The following SETD7 variants were observed in gnomAD, a reference collection of about 807,000 sequenced individuals.
SETD7 encodes histone-lysine N-methyltransferase SETD7.
SETD7 carries 16 observed loss-of-function variants against 41.8 expected under a neutral mutation model. The observed-to-expected ratio is 0.38, with a 90% confidence interval of 0.26 to 0.58. The LOEUF is 0.58. Among genes scored for constraint, SETD7 ranks in the 20% least tolerant of loss-of-function variants. The pLI is 0.64. For missense variants in SETD7, 346 were observed against 459.7 expected (o/e 0.75, Z 2.26); for synonymous variants, 163 against 169.7 (o/e 0.96, Z 0.31).
chr4:139,543,729 G>T (rs1727842429), intron 2 of SETD7, among the ~76,000 whole-genome samples: 1 of 150,744 alleles, frequency 6.6e-6, no homozygotes, highest in African/African-American at 2.4e-5. Context: ...AAGGCGGGCG[G>T]ATCACGAGGT....
chr4:139,520,219 G>T, intron 6 of SETD7, 58 bp downstream of exon 6: 1 of 873,112 alleles, frequency 1.1e-6, no homozygotes, highest in Non-Finnish European at 1.8e-6. Context: ...AAGGGATTTT[G>T]TTTGAAGCAA....
At chr4:139,500,627 G>A (rs1201812692) in intron 7 of SETD7, among the ~76,000 whole-genome samples, 2 of 152,122 alleles carry the variant, frequency 1.3e-5, no homozygotes, top group African/African-American at 2.4e-5. Flanking sequence ...TCCTGCCTCA[G>A]CCTCCTGAGT....
At chr4:139,548,573 A>C (rs993624890) in intron 1 of SETD7, among the ~76,000 whole-genome samples, 1 of 152,244 alleles carries the variant, frequency 6.6e-6, no homozygotes, top group Non-Finnish European at 1.5e-5. Flanking sequence ...CAGAGGTTGC[A>C]GTGAGCCAAA....
chr4:139,513,566 T>C (rs987365279), intron 7 of SETD7, among the ~76,000 whole-genome samples: 2 of 152,158 alleles, frequency 1.3e-5, no homozygotes, highest in African/African-American at 4.8e-5. Flanking sequence ...AACCTTTACC[T>C]CACACCAAAG....
At chr4:139,513,869 G>A (rs1726947703) in intron 7 of SETD7, among the ~76,000 whole-genome samples, 1 of 152,228 alleles carries the variant, frequency 6.6e-6, no homozygotes, top group Non-Finnish European at 1.5e-5. Flanking sequence ...GCCTGCCTGT[G>A]AGCATGCATG....
intron 3 of SETD7, 38 bp downstream of exon 3, chr4:139,533,127 T>C (rs1039418596): frequency 6.5e-7 from 1 of 1,541,172 alleles, no homozygotes; most frequent in African/African-American, 1.4e-5. Flanking sequence ...AGTCACAGTA[T>C]GTTACTTTCC....
downstream of SETD7, among the ~76,000 whole-genome samples, chr4:139,503,938 G>C (rs934503371): frequency 4.6e-5 from 7 of 152,188 alleles, no homozygotes; most frequent in African/African-American, 1.7e-4. Flanking sequence ...TTCATCTATT[G>C]GATGGGGCCA....
At chr4:139,505,450 G>A (rs1055630746), downstream of SETD7, among the ~76,000 whole-genome samples, 3 of 152,120 alleles carry the variant, frequency 2.0e-5, no homozygotes, top group Non-Finnish European at 4.4e-5. Context: ...TGAGCTGAGT[G>A]TGGTGGTAAG....
At chr4:139,529,824 T>A (rs2111147609) in intron 3 of SETD7, among the ~76,000 whole-genome samples, 1 of 152,330 alleles carries the variant, frequency 6.6e-6, no homozygotes, top group Admixed American at 6.5e-5. Flanking sequence ...TTTCTGAGAC[T>A]CCTATACCAT....
chr4:139,550,457 G>T (rs1728078336), intron 1 of SETD7, among the ~76,000 whole-genome samples: 1 of 152,162 alleles, frequency 6.6e-6, no homozygotes. Flanking sequence ...AGGAACTAGA[G>T]ATTAAGGGTT....
intron 7 of SETD7, among the ~76,000 whole-genome samples, chr4:139,515,406 C>G (rs1371093617): frequency 6.6e-6 from 1 of 152,210 alleles, no homozygotes; most frequent in African/African-American, 2.4e-5. Context: ...ATGAAATCTT[C>G]TCTTGTCTCC....
At chr4:139,536,317 A>G (rs1321129509) in intron 2 of SETD7, among the ~76,000 whole-genome samples, 1 of 152,228 alleles carries the variant, frequency 6.6e-6, no homozygotes, top group Admixed American at 6.5e-5. Context: ...CGGGGGAAAA[A>G]AAGTTATGAT....
chr4:139,524,721 A>G (rs1326559946), intron 4 of SETD7, among the ~76,000 whole-genome samples: 12 of 152,200 alleles, frequency 7.9e-5, no homozygotes, highest in Non-Finnish European at 1.6e-4. Context: ...TCTTGCAATA[A>G]TAGCGGGCAG....
At chr4:139,500,108 G>A (rs1207988192) in intron 7 of SETD7, among the ~76,000 whole-genome samples, 6 of 152,142 alleles carry the variant, frequency 3.9e-5, no homozygotes, top group African/African-American at 1.4e-4. Context: ...TCTGCCTTTT[G>A]ATTTTGAGTT....
rs1421613706 is a variant in SETD7, at chr4:139,533,514, G to A, written c.171-148C>T. On this transcript the variant is annotated intron_variant, in intron 2 of 7. Transcript: ENST00000274031. ...CCTCCTAAATTATCATCGACTGCTAGGAAAAGGTGCTTCATGGACGTGGGT... is the reference window on the plus strand; with the variant it reads ...CCTCCTAAATTATCATCGACTGCTAAGAAAAGGTGCTTCATGGACGTGGGT... 3 of 667,290 alleles carry A rather than the reference G, an allele frequency of 4.5e-6. No individual in the cohort carries two copies. The African/African-American group carries it at 5.4e-5, about 12-fold the overall frequency. 41.3% of individuals were successfully genotyped at this position (667,290 alleles called of 1,614,324 possible).
At chr4:139,522,590 T>G (rs183146357) in intron 5 of SETD7, among the ~76,000 whole-genome samples, 16 of 152,198 alleles carry the variant, frequency 1.1e-4, no homozygotes, top group African/African-American at 3.9e-4. Flanking sequence ...CCTCCGCTGG[T>G]CTAAGATGAA....
At chr4:139,539,438 T>C (rs750312855) in intron 2 of SETD7, among the ~76,000 whole-genome samples, 113 of 152,226 alleles carry the variant, frequency 7.4e-4, no homozygotes, top group Non-Finnish European at 1.3e-3. Context: ...AAACTTCAAC[T>C]TCTCCCAAGG....
intron 3 of SETD7, among the ~76,000 whole-genome samples, chr4:139,530,632 T>A (rs1023192817): frequency 6.6e-6 from 1 of 152,184 alleles, no homozygotes; most frequent in African/African-American, 2.4e-5. Flanking sequence ...AATCCATGAC[T>A]AACATAAGAT....
chr4:139,504,918 C>A (rs1726664285), downstream of SETD7, among the ~76,000 whole-genome samples: 1 of 152,110 alleles, frequency 6.6e-6, no homozygotes, highest in African/African-American at 2.4e-5. Context: ...TCCCCTTTCC[C>A]ACAAGGAAGA....
Sources: gnomAD v4.1 joint callset for allele counts (sites outside exome capture counted in the v4.1 genomes callset) on GRCh38, gnomAD v4.1.1 for gene constraint, MANE v1.5 for transcripts, NCBI Gene and HGNC (gene_info 2026-07-23, HGNC 2026-07-21) for gene names.